The following PDGFC variants were observed in gnomAD, a reference collection of about 807,000 sequenced individuals.
The protein encoded by PDGFC is platelet derived growth factor C.
PDGFC carries 12 observed loss-of-function variants against 35.5 expected under a neutral mutation model. The observed-to-expected ratio is 0.34, with a 90% CI of 0.22 to 0.55. The LOEUF (loss-of-function observed/expected upper bound fraction) is 0.55, where lower values mean the gene tolerates loss of function less well. Ranked by LOEUF, PDGFC falls within the 20% of genes least tolerant of loss-of-function variation. The pLI, the probability that PDGFC is intolerant of heterozygous loss-of-function variation, is 0.91. For missense variants in PDGFC, 322 were observed against 412.4 expected (o/e 0.78, Z 1.90); for synonymous variants, 159 against 148.8 (o/e 1.07, Z -0.50).
intron 1 of PDGFC, among the ~76,000 whole-genome samples, chr4:156,942,315 C>A (rs538831315): frequency 1.4e-4 from 22 of 152,130 alleles, no homozygotes; most frequent in African/African-American, 4.6e-4. Context: ...ATCGAATGTA[C>A]TTTATTTTTC....
intron 2 of PDGFC, among the ~76,000 whole-genome samples, chr4:156,829,926 G>C (rs1005093187): frequency 4.0e-5 from 6 of 151,876 alleles, no homozygotes; most frequent in Non-Finnish European, 7.4e-5. Flanking sequence ...TTAAGTACAA[G>C]AGTCTCAAAC....
In PDGFC at chr4:156,971,254, G is replaced by A; in HGVS notation, c.-351C>T. ...GGGAGCGGCGAGAAGTCCCCAGCAA[G>A]TTGCTGGGAGCACCTGTCAGTTCGG... On this transcript the variant is annotated 5_prime_UTR_variant, in exon 1 of 6. Transcript: ENST00000502773. 3 of 431,946 alleles carry A rather than the reference G, an allele frequency of 6.9e-6. No homozygotes were observed. The highest frequency in any genetic ancestry group is 1.2e-5 in the Non-Finnish European group (3 of 244,642). 26.8% of individuals were successfully genotyped at this position (431,946 alleles called of 1,614,324 possible). A position where few individuals can be genotyped will look rare whatever the true frequency, so the allele number is the denominator to read the frequency against.
intron 1 of PDGFC, among the ~76,000 whole-genome samples, chr4:156,857,866 AG>A (rs1187940413): frequency 1.3e-5 from 2 of 152,076 alleles, no homozygotes; most frequent in African/African-American, 4.8e-5. Context: ...CTAATGAAAA[AG>A]TTGATGCACA....
At chr4:156,956,132 G>C (rs549014874) in intron 1 of PDGFC, among the ~76,000 whole-genome samples, 1 of 151,968 alleles carries the variant, frequency 6.6e-6, no homozygotes, top group Non-Finnish European at 1.5e-5. Flanking sequence ...ACCACAACAC[G>C]CACTTTTGTG....
chr4:156,944,301 C>T (rs560415309), intron 1 of PDGFC, among the ~76,000 whole-genome samples: 20 of 152,154 alleles, frequency 1.3e-4, no homozygotes, highest in African/African-American at 4.8e-4. Flanking sequence ...TATGTCTTAG[C>T]TATATTTATC....
At chr4:156,796,764 A>G (rs1400477643) in intron 3 of PDGFC, among the ~76,000 whole-genome samples, 1 of 152,172 alleles carries the variant, frequency 6.6e-6, no homozygotes, top group South Asian at 2.1e-4. Context: ...GGAACCCAAT[A>G]TAATAGTAAG....
At chr4:156,921,514 G>GA (rs568404879) in intron 1 of PDGFC, among the ~76,000 whole-genome samples, 7 of 151,494 alleles carry the variant, frequency 4.6e-5, no homozygotes, top group Admixed American at 1.3e-4. Flanking sequence ...GGAAACAAAA[G>GA]AAAAAAAAGA....
At chr4:156,968,334 T>C (rs920600780) in intron 1 of PDGFC, among the ~76,000 whole-genome samples, 1 of 152,092 alleles carries the variant, frequency 6.6e-6, no homozygotes, top group African/African-American at 2.4e-5. Flanking sequence ...CACAAAACGA[T>C]GCAATGCACA....
In PDGFC at chr4:156,971,499, G is replaced by C. The variant is rs1732593848; in HGVS notation, c.-596C>G. ...CGGGCCGGGGCGCCGGAGCGGGGCCGGGGGGCTCCGGGCCGACGGCGGCCC... is the reference window on the plus strand; with the variant it reads ...CGGGCCGGGGCGCCGGAGCGGGGCCCGGGGGCTCCGGGCCGACGGCGGCCC... On this transcript the variant is annotated 5_prime_UTR_variant, in exon 1 of 6. Coordinates refer to ENST00000502773, the MANE Select transcript of PDGFC (RefSeq NM_016205.3). The C allele has an allele frequency of 4.8e-6, 1 of 208,762 alleles. No homozygotes were observed. The highest frequency in any genetic ancestry group is 9.4e-6 in the Non-Finnish European group (1 of 106,766). The allele number at this position is 208,762 out of a possible 1,614,324, so 12.9% of individuals were successfully genotyped here. A position where few individuals can be genotyped will look rare whatever the true frequency, so the allele number is the denominator to read the frequency against.
chr4:156,912,839 T>G (rs1051283922), intron 1 of PDGFC, among the ~76,000 whole-genome samples: 2 of 151,956 alleles, frequency 1.3e-5, no homozygotes, highest in African/African-American at 4.8e-5. Flanking sequence ...ACCCAGAATA[T>G]CTTTAATTAT....
chr4:156,787,536 C>A (rs767030685), intron 3 of PDGFC, among the ~76,000 whole-genome samples: 1 of 152,066 alleles, frequency 6.6e-6, no homozygotes, highest in African/African-American at 2.4e-5. Flanking sequence ...AGACAACATG[C>A]GTGGTAGCTG....
At chr4:156,827,947 C>G (rs1728824077) in intron 2 of PDGFC, among the ~76,000 whole-genome samples, 1 of 152,158 alleles carries the variant, frequency 6.6e-6, no homozygotes, top group African/African-American at 2.4e-5. Context: ...AGAGGCAAAG[C>G]AAATGCGTGA....
chr4:156,952,564 G>T (rs1007280477), intron 1 of PDGFC, among the ~76,000 whole-genome samples: 4 of 151,738 alleles, frequency 2.6e-5, no homozygotes, highest in African/African-American at 9.7e-5. Flanking sequence ...CACACAAAAC[G>T]TGAAAATCAA....
chr4:156,788,391 G>A (rs1218870455), intron 3 of PDGFC, among the ~76,000 whole-genome samples: 2 of 151,916 alleles, frequency 1.3e-5, no homozygotes, highest in Non-Finnish European at 2.9e-5. Context: ...TTCATGAGTC[G>A]GTATTTTAGA....
intron 3 of PDGFC, among the ~76,000 whole-genome samples, chr4:156,810,522 C>A (rs962322397): frequency 2.0e-5 from 3 of 151,904 alleles, no homozygotes; most frequent in Non-Finnish European, 4.4e-5. Flanking sequence ...ATACCCTTAA[C>A]CAATACTTAA....
intron 1 of PDGFC, among the ~76,000 whole-genome samples, chr4:156,963,410 G>T (rs939278487): frequency 6.6e-6 from 1 of 152,086 alleles, no homozygotes; most frequent in Non-Finnish European, 1.5e-5. Context: ...AGTTAAGGCT[G>T]CAGTGAGCTG....
chr4:156,961,448 T>A (rs1174019143), intron 1 of PDGFC, among the ~76,000 whole-genome samples: 1 of 152,116 alleles, frequency 6.6e-6, no homozygotes, highest in East Asian at 1.9e-4. Flanking sequence ...AACATTGAAA[T>A]GCTTAAAATA....
At chr4:156,804,849 T>C (rs1731716871) in intron 3 of PDGFC, among the ~76,000 whole-genome samples, 2 of 152,032 alleles carry the variant, frequency 1.3e-5, no homozygotes, top group Admixed American at 6.6e-5. Context: ...TTTTAAATCT[T>C]TGTGGCTTTA....
intron 1 of PDGFC, among the ~76,000 whole-genome samples, chr4:156,907,307 C>G (rs935603965): frequency 3.3e-5 from 5 of 152,088 alleles, no homozygotes; most frequent in Non-Finnish European, 7.4e-5. Flanking sequence ...GCACCTAATT[C>G]TAATCATAAA....
Sources: gnomAD v4.1 joint callset for allele counts (sites outside exome capture counted in the v4.1 genomes callset) on GRCh38, gnomAD v4.1.1 for gene constraint, MANE v1.5 for transcripts, NCBI Gene and HGNC (gene_info 2026-07-23, HGNC 2026-07-21) for gene names.